The following PCDHGA12 variants were observed in gnomAD, a reference collection of about 807,000 sequenced individuals.
PCDHGA12 encodes the protein protocadherin gamma-A12.
In PCDHGA12, 43 loss-of-function variants were observed where a neutral mutation model predicts 61.1. The ratio of observed to expected loss-of-function variants is 0.70; its 90% CI spans 0.55 to 0.91. The LOEUF (loss-of-function observed/expected upper bound fraction) is 0.91. PCDHGA12 is among the 40% of genes least tolerant of loss of function. The probability of loss-of-function intolerance (pLI) is 0.00; values close to 1 mark genes in which losing one functional copy is unlikely to be tolerated. For missense variants in PCDHGA12, 1,236 were observed against 1,227.7 expected, an observed-to-expected ratio of 1.01 and a Z score of -0.10; for synonymous variants, 520 against 542.9, an observed-to-expected ratio of 0.96 and a Z score of 0.59.
In PCDHGA12 at chr5:141,511,618, T is replaced by C. The variant is rs1227028784; in HGVS notation, c.*445T>C. 4.3e-6 allele frequency: 1 copy of C among 232,232 alleles called. No homozygotes were observed. Among genetic ancestry groups the C allele is most frequent in the East Asian group, 9.9e-5 (1 of 10,122 alleles). 14.4% of individuals were successfully genotyped at this position (232,232 alleles called of 1,614,324 possible). A position where few individuals can be genotyped will look rare whatever the true frequency, so the allele number is the denominator to read the frequency against. ...AAGTAACCTACAAGCCTCCTAGTTCTGAAAAGTTGGAAGGGCATCATGACC... is the reference window on the plus strand; with the variant it reads ...AAGTAACCTACAAGCCTCCTAGTTCCGAAAAGTTGGAAGGGCATCATGACC... On this transcript the variant is annotated 3_prime_UTR_variant, in exon 4 of 4. Transcript: ENST00000252085.
chr5:141,486,425 A>C lies in PCDHGA12; in HGVS notation c.2425-8382A>C. The C allele has an allele frequency of 6.2e-7, 1 of 1,614,228 alleles. No homozygotes were observed. On this transcript the variant is annotated intron_variant, in intron 1 of 3. Transcript: ENST00000252085. This position sits in a 1 kb window ranked among gnomAD's most constrained non-coding sequence, Gnocchi z 5.0. Reference sequence around the variant, plus strand: ...TGCTGGACCCTTGGATCGAGAGGCCAAATCTAGCTATGACATCATGGTCAC... The same window carrying C: ...TGCTGGACCCTTGGATCGAGAGGCCCAATCTAGCTATGACATCATGGTCAC...
chr5:141,489,089 A>C lies in PCDHGA12; in HGVS notation c.2425-5718A>C. 6 of 284,452 alleles carry C rather than the reference A, an allele frequency of 2.1e-5. No individual in the cohort carries two copies. The highest frequency in any genetic ancestry group is 5.7e-5 in the East Asian group (1 of 17,568). The allele number at this position is 284,452 out of a possible 1,614,324, so 17.6% of individuals were successfully genotyped here. A position where few individuals can be genotyped will look rare whatever the true frequency, so the allele number is the denominator to read the frequency against. Reference sequence around the variant, plus strand: ...CCCTGCCCACCCCCGCCACTCGGTGACTAAGAACTGCTGCAAGCAGGCAAA... The same window carrying C: ...CCCTGCCCACCCCCGCCACTCGGTGCCTAAGAACTGCTGCAAGCAGGCAAA... On this transcript the variant is annotated intron_variant, in intron 1 of 3. Transcript: ENST00000252085. This position sits in a 1 kb window ranked among gnomAD's most constrained non-coding sequence, Gnocchi z 4.5.
intron 2 of PCDHGA12, among the ~76,000 whole-genome samples, chr5:141,501,184 C>T (rs1209222790): frequency 6.6e-6 from 1 of 152,002 alleles, no homozygotes; most frequent in Non-Finnish European, 1.5e-5. Context: ...CATTTTAACA[C>T]AATTAAATTC....
intron 1 of PCDHGA12, among the ~76,000 whole-genome samples, chr5:141,462,574 C>T (rs1308899602): frequency 2.0e-5 from 3 of 152,036 alleles, no homozygotes; most frequent in Non-Finnish European, 4.4e-5. Context: ...TTGCTAATCC[C>T]ATCCAGTGAA....
chr5:141,468,274 G>A (rs1461428449), intron 1 of PCDHGA12, among the ~76,000 whole-genome samples: 1 of 144,906 alleles, frequency 6.9e-6, no homozygotes, highest in Non-Finnish European at 1.5e-5. Flanking sequence ...GTGGTGAGCC[G>A]AGACCACGCC....
At position 141,485,336 on chromosome 5, in the gene PCDHGA12, G is replaced by A. The variant is rs755039880; in HGVS notation, c.2425-9471G>A. Reference sequence around the variant, plus strand: ...GAATGTCGCTCAAGATTTCCTGCTGGATACGGACAGTCTGTCAGCTCGCAG... The same window carrying A: ...GAATGTCGCTCAAGATTTCCTGCTGAATACGGACAGTCTGTCAGCTCGCAG... On this transcript the variant is annotated intron_variant, in intron 1 of 3. Transcript: ENST00000252085. The surrounding 1 kb of genome is among the most constrained non-coding windows in gnomAD (Gnocchi z 5.7). 3 of 1,614,176 alleles carry A rather than the reference G, an allele frequency of 1.9e-6. No homozygotes were observed. In the South Asian group the frequency reaches 3.3e-5, roughly 18 times the overall value.
Position 141,487,945 on chromosome 5 carries a change from G to A in PCDHGA12, c.2425-6862G>A, listed in dbSNP as rs2099669554. ...CAGTGCACAGGGTACAGTGCACCAG[G>A]CAGTCACTTGGACAAAGGTGGCTGT... On this transcript the variant is annotated intron_variant, in intron 1 of 3. Transcript: ENST00000252085. This position sits in a 1 kb window ranked among gnomAD's most constrained non-coding sequence, Gnocchi z 5.0. Among the ~76,000 whole-genome samples the A allele has an allele frequency of 6.6e-6, 1 of 152,198 alleles. No individual in the cohort carries two copies. Among genetic ancestry groups the A allele is most frequent in the Non-Finnish European group, 1.5e-5 (1 of 68,036 alleles).
chr5:141,478,635 A>T, intron 1 of PCDHGA12: 1 of 1,552,830 alleles, frequency 6.4e-7, no homozygotes, highest in Non-Finnish European at 8.7e-7. Context: ...TTTTTTAGTG[A>T]TGAAGATGTT....
At chr5:141,496,509 C>A (rs955577717) in intron 2 of PCDHGA12, among the ~76,000 whole-genome samples, 3 of 152,168 alleles carry the variant, frequency 2.0e-5, no homozygotes, top group Non-Finnish European at 4.4e-5. Context: ...GCCACAAGGA[C>A]CCAGGAGCCC....
rs764692908 is a variant in PCDHGA12 at position 141,431,246 on chromosome 5, G to C, written c.487G>C (p.Gly163Arg). Residue 163 changes from glycine (G) to arginine (R), a missense_variant, in exon 1 of 4, where the codon GGG becomes CGG. Physicochemically the swap from Gly to Arg is moderately radical, Grantham distance 125. Coordinates refer to ENST00000252085, the MANE Select transcript of PCDHGA12 (RefSeq NM_003735.3). The surrounding 1 kb of genome is among the most constrained non-coding windows in gnomAD (Gnocchi z 4.8). ...ACCCCACGCCTGGGATCCGGATATC[G>C]GGAAGAACTCTCTGCAGAGCTACGA... The part of the protein sequence containing the change: ...PLPHAWDPDI[G>R]KNSLQSYELS... 9 of 1,613,982 alleles carry C rather than the reference G, an allele frequency of 5.6e-6. No individual in the cohort carries two copies. Among genetic ancestry groups the C allele is most frequent in the Non-Finnish European group, 7.6e-6 (9 of 1,180,050 alleles).
At chr5:141,468,652 G>A (rs1206892693) in intron 1 of PCDHGA12, 2 of 149,062 alleles carry the variant, frequency 1.3e-5, no homozygotes, top group African/African-American at 2.5e-5. Context: ...GGATCACAAG[G>A]TCAGGAGATC....
intron 1 of PCDHGA12, among the ~76,000 whole-genome samples, chr5:141,465,683 A>G (rs2099107378): frequency 6.6e-6 from 1 of 152,236 alleles, no homozygotes; most frequent in African/African-American, 2.4e-5. Context: ...GCTCTTGACC[A>G]GTCTGCTTTT....
rs373297942 is a variant in PCDHGA12 at position 141,431,494 on chromosome 5, C to G, written c.735C>G (p.Pro245=). ...ACAACGCACCAGCGTTTGCTCAGCCCGAGTACCGCGCGAGCGTTCCGGAGA... is the reference window on the plus strand; with the variant it reads ...ACAACGCACCAGCGTTTGCTCAGCCGGAGTACCGCGCGAGCGTTCCGGAGA... ...ANDNAPAFAQ[P]EYRASVPENL... Residue 245 remains proline (P), a synonymous_variant, in exon 1 of 4, where the codon CCC becomes CCG. Transcript: ENST00000252085. This position sits in a 1 kb window ranked among gnomAD's most constrained non-coding sequence, Gnocchi z 4.8. 16 of 1,613,838 alleles carry G rather than the reference C, an allele frequency of 9.9e-6. No individual in the cohort carries two copies. The highest frequency in any genetic ancestry group is 1.4e-5 in the Non-Finnish European group (16 of 1,180,030).
At position 141,486,383 on chromosome 5, in the gene PCDHGA12, C is replaced by A. The variant is rs757384186; in HGVS notation, c.2425-8424C>A. On this transcript the variant is annotated intron_variant, in intron 1 of 3. Transcript: ENST00000252085. The surrounding 1 kb of genome is among the most constrained non-coding windows in gnomAD (Gnocchi z 5.0). ...TGCCCTCAAGTCTGCCTTCAGGAAC[C>A]AGTTCTCCCTGGTGACTGCTGGACC... The A allele has an allele frequency of 6.2e-7, 1 of 1,614,040 alleles. No homozygotes were observed. Among genetic ancestry groups the A allele is most frequent in the East Asian group, 2.2e-5 (1 of 44,884 alleles).
At position 141,491,834 on chromosome 5, in the gene PCDHGA12, C is replaced by T; in HGVS notation, c.2425-2973C>T. 6 of 1,473,830 alleles carry T rather than the reference C, an allele frequency of 4.1e-6. No homozygotes were observed. The highest frequency in any genetic ancestry group is 5.4e-6 in the Non-Finnish European group (6 of 1,112,366). The allele number at this position is 1,473,830 out of a possible 1,614,324, so 91.3% of individuals were successfully genotyped here. ...CGCTGGCTGCGCTCCACCCGATTCTCGGGATCATTGGACCGTTTGCGCGAA... is the reference window on the plus strand; with the variant it reads ...CGCTGGCTGCGCTCCACCCGATTCTTGGGATCATTGGACCGTTTGCGCGAA... On this transcript the variant is annotated intron_variant, in intron 1 of 3. Transcript: ENST00000252085. This position sits in a 1 kb window ranked among gnomAD's most constrained non-coding sequence, Gnocchi z 6.9.
At chr5:141,488,259 C>T (rs1594750656) in intron 1 of PCDHGA12, among the ~76,000 whole-genome samples, 1 of 152,144 alleles carries the variant, frequency 6.6e-6, no homozygotes, top group African/African-American at 2.4e-5. Context: ...AAGGTTGGGG[C>T]GGGTTGGTCA....
At chr5:141,488,207 TC>T (rs2099672969) in intron 1 of PCDHGA12, among the ~76,000 whole-genome samples, 1 of 152,216 alleles carries the variant, frequency 6.6e-6, no homozygotes, top group Non-Finnish European at 1.5e-5. Context: ...AGGACTCATA[TC>T]AAGTCCCTAC....
intron 1 of PCDHGA12, 63 bp from the exon 2 acceptor site, chr5:141,494,744 G>T: frequency 6.2e-7 from 1 of 1,612,702 alleles, no homozygotes; most frequent in South Asian, 1.1e-5. Flanking sequence ...CATCCCTAGG[G>T]GCTCGGGTGA....
At chr5:141,473,858 C>G (rs569473917) in intron 1 of PCDHGA12, among the ~76,000 whole-genome samples, 1 of 152,286 alleles carries the variant, frequency 6.6e-6, no homozygotes, top group Admixed American at 6.5e-5. Flanking sequence ...ATGAACCTCG[C>G]TATTGTGGAG....
Sources: allele counts gnomAD v4.1 joint callset (sites outside exome capture counted in the v4.1 genomes callset), GRCh38; gene constraint gnomAD v4.1.1; non-coding constraint Gnocchi (gnomAD v3.1); transcripts MANE v1.5; gene names NCBI Gene and HGNC (gene_info 2026-07-23, HGNC 2026-07-21).